ARHGEF3: variants seen among roughly 807,000 people sequenced by gnomAD.
ARHGEF3 encodes the protein Rho guanine nucleotide exchange factor 3.
ARHGEF3 carries 28 observed loss-of-function variants against 63.2 expected under a neutral mutation model. The ratio of observed to expected loss-of-function variants is 0.44; its 90% CI spans 0.33 to 0.61. The LOEUF is 0.61. Ranked by LOEUF, ARHGEF3 falls within the 20% of genes least tolerant of loss-of-function variation. ARHGEF3 has a pLI of 0.03. For synonymous variants in ARHGEF3, 266 were observed against 254.2 expected, an observed-to-expected ratio of 1.05 and a Z score of -0.44; for missense variants, 533 against 659.3, an observed-to-expected ratio of 0.81 and a Z score of 2.10.
In ARHGEF3 at chr3:57,055,163, C is replaced by CTTT. The variant is rs71623876; in HGVS notation, c.-27-19990_-27-19988dup. On this transcript the variant is annotated intron_variant, in intron 1 of 12. Coordinates refer to the ARHGEF3 transcript ENST00000338458. ...TGATTTATAAGCTTTTCTCTTTATG[C>CTTT]TTTTTTTTTTTTTTTTGAGACGAAG... Among the ~76,000 whole-genome samples, 13 of 135,288 alleles carry CTTT rather than the reference C, an allele frequency of 9.6e-5. 1 individual carries two copies. The highest frequency in any genetic ancestry group is 3.9e-3 in the Middle Eastern group (1 of 258). The allele number at this position is 135,288 out of a possible 152,430, so 88.8% of individuals were successfully genotyped here.
chr3:57,034,890 C>T (rs1177327321), intron 2 of ARHGEF3, among the ~76,000 whole-genome samples: 2 of 151,900 alleles, frequency 1.3e-5, no homozygotes, highest in South Asian at 2.1e-4. Flanking sequence ...AACTCCTGGA[C>T]TCAAGTGATC....
At chr3:56,997,624 G>A (rs1447742346) in intron 2 of ARHGEF3, among the ~76,000 whole-genome samples, 1 of 152,194 alleles carries the variant, frequency 6.6e-6, no homozygotes, top group Admixed American at 6.5e-5. Context: ...ACTCAGAGGA[G>A]CTGTTTGTGG....
At chr3:56,899,021 T>C (rs1240599491) in intron 3 of ARHGEF3, among the ~76,000 whole-genome samples, 1 of 152,142 alleles carries the variant, frequency 6.6e-6, no homozygotes, top group Non-Finnish European at 1.5e-5. Context: ...ACCACTGTAC[T>C]CCAGCCTGGC....
upstream of ARHGEF3, among the ~76,000 whole-genome samples, chr3:56,804,467 C>A (rs541876221): frequency 6.6e-6 from 1 of 152,294 alleles, no homozygotes; most frequent in South Asian, 2.1e-4. Context: ...CACACCCTCA[C>A]ACTAAATCCA....
chr3:57,047,686 C>G (rs1291625917), intron 1 of ARHGEF3, among the ~76,000 whole-genome samples: 1 of 152,070 alleles, frequency 6.6e-6, no homozygotes, highest in Non-Finnish European at 1.5e-5. Flanking sequence ...AGTTAAAAAG[C>G]CTTTTGGAGA....
At chr3:56,837,190 T>TA (rs1018909111) in intron 4 of ARHGEF3, among the ~76,000 whole-genome samples, 4 of 151,976 alleles carry the variant, frequency 2.6e-5, no homozygotes, top group African/African-American at 9.7e-5. Flanking sequence ...TGGTGCTGAT[T>TA]AAAAAAATGG....
intron 4 of ARHGEF3, among the ~76,000 whole-genome samples, chr3:56,831,014 A>G (rs988369917): frequency 2.0e-5 from 3 of 152,036 alleles, no homozygotes; most frequent in Non-Finnish European, 2.9e-5. Flanking sequence ...GTTATTTACC[A>G]TCTCCCCACC....
chr3:57,063,075 C>G (rs562744992), intron 1 of ARHGEF3, among the ~76,000 whole-genome samples: 1 of 152,240 alleles, frequency 6.6e-6, no homozygotes, highest in East Asian at 1.9e-4. Flanking sequence ...GACACGATGA[C>G]CAGGGAAGGC....
At chr3:57,013,002 C>T (rs1040230997) in intron 2 of ARHGEF3, among the ~76,000 whole-genome samples, 2 of 152,214 alleles carry the variant, frequency 1.3e-5, no homozygotes, top group Middle Eastern at 3.2e-3. Context: ...AGGGGCTTAG[C>T]ACCCGGGCCA....
Position 56,729,328 on chromosome 3 carries a change from C to A in ARHGEF3, c.1523G>T (p.Arg508Leu), listed in dbSNP as rs747003453. Residue 508 changes from arginine to leucine, a missense_variant, in exon 10 of 10, where the codon CGC becomes CTC. Physicochemically the swap from Arg to Leu is moderately radical, Grantham distance 102. This residue lies in a region of ARHGEF3 where 115 missense variants were observed against 103.4 expected (regional missense o/e 1.11). Coordinates refer to ENST00000296315, the MANE Select transcript of ARHGEF3 (RefSeq NM_019555.3). ...ACAGGAAGAGTCTGTCTGTTCCATGCGCTCACAGTCGAGGCTGACCTCACT... is the reference window on the plus strand; with the variant it reads ...ACAGGAAGAGTCTGTCTGTTCCATGAGCTCACAGTCGAGGCTGACCTCACT... ...DTSEVSLDCE[R>L]MEQTDSSCGN... is the part of the protein sequence containing the mutation. The A allele has an allele frequency of 6.2e-7, 1 of 1,614,114 alleles. No individual in the cohort carries two copies. The highest frequency in any genetic ancestry group is 8.5e-7 in the Non-Finnish European group (1 of 1,180,022).
intron 4 of ARHGEF3, among the ~76,000 whole-genome samples, chr3:56,833,387 A>G (rs958109480): frequency 1.4e-4 from 21 of 152,194 alleles, no homozygotes; most frequent in African/African-American, 5.1e-4. Flanking sequence ...GGCCATTTGT[A>G]TATATTCTTT....
At chr3:56,886,183 G>A (rs945874822) in intron 3 of ARHGEF3, among the ~76,000 whole-genome samples, 3 of 152,210 alleles carry the variant, frequency 2.0e-5, no homozygotes, top group African/African-American at 7.2e-5. Flanking sequence ...TGTTTTCTGG[G>A]TTTTGGTTGA....
intron 1 of ARHGEF3, among the ~76,000 whole-genome samples, chr3:56,791,115 T>G (rs774281091): frequency 1.3e-5 from 2 of 152,116 alleles, no homozygotes; most frequent in Non-Finnish European, 2.9e-5. Flanking sequence ...TTTTAAGATA[T>G]GTCGTGGCCA....
chr3:56,886,642 CTAA>C (rs2040934713), intron 3 of ARHGEF3, among the ~76,000 whole-genome samples: 1 of 152,176 alleles, frequency 6.6e-6, no homozygotes, highest in Non-Finnish European at 1.5e-5. Context: ...GCTACTACTA[CTAA>C]TAATTCACAC....
intron 2 of ARHGEF3, among the ~76,000 whole-genome samples, chr3:56,995,668 A>AGAGG (rs1317879614): frequency 3.0e-5 from 4 of 133,080 alleles, no homozygotes; most frequent in Non-Finnish European, 5.0e-5. Context: ...AGAGAGAGAG[A>AGAGG]GAGAATTTTT....
chr3:56,786,385 G>A (rs2036813846), intron 1 of ARHGEF3, among the ~76,000 whole-genome samples: 1 of 152,128 alleles, frequency 6.6e-6, no homozygotes, highest in Non-Finnish European at 1.5e-5. Flanking sequence ...GGATTCATCT[G>A]GCATTTCTGT....
chr3:57,067,476 A>AATAATAATG (rs1322923561), intron 1 of ARHGEF3, among the ~76,000 whole-genome samples: 1 of 147,978 alleles, frequency 6.8e-6, no homozygotes, highest in Non-Finnish European at 1.5e-5. Flanking sequence ...TAATAATAAT[A>AATAATAATG]ATAATAATAA....
At chr3:56,970,304 T>C (rs1700851669) in intron 2 of ARHGEF3, among the ~76,000 whole-genome samples, 2 of 152,130 alleles carry the variant, frequency 1.3e-5, no homozygotes, top group East Asian at 3.8e-4. Flanking sequence ...AAAAGAAACA[T>C]ATTTAATGGA....
intron 2 of ARHGEF3, among the ~76,000 whole-genome samples, chr3:56,757,468 C>T (rs1055237431): frequency 4.6e-5 from 7 of 151,518 alleles, no homozygotes; most frequent in African/African-American, 1.7e-4. Context: ...GAGTGAGACT[C>T]CGTCTCAGAA....
Sources: gnomAD v4.1 joint callset for allele counts (sites outside exome capture counted in the v4.1 genomes callset) on GRCh38, gnomAD v4.1.1 for gene constraint, gnomAD v4.1.1 regional missense constraint, MANE v1.5 for transcripts, NCBI Gene and HGNC (gene_info 2026-07-23, HGNC 2026-07-21) for gene names.